Variants in FKBP5 observed in about 807,000 individuals in gnomAD.
The protein encoded by FKBP5 is peptidyl-prolyl cis-trans isomerase FKBP5.
FKBP5 carries 23 observed loss-of-function variants against 50.5 expected under a neutral mutation model. The observed-to-expected ratio is 0.46, with a 90% CI of 0.33 to 0.65. The LOEUF (loss-of-function observed/expected upper bound fraction) is 0.65. Among genes scored for constraint, FKBP5 ranks in the 30% least tolerant of loss-of-function variants. The pLI is 0.02. For synonymous variants in FKBP5, 176 were observed against 190.6 expected (o/e 0.92, Z 0.63); for missense variants, 411 against 553.1 (o/e 0.74, Z 2.58).
At chr6:35,583,958 AG>A (rs1561843900) in intron 8 of FKBP5, 1 of 985,282 alleles carries the variant, frequency 1.0e-6, no homozygotes, top group East Asian at 1.1e-4. Context: ...CTCCTCAACT[AG>A]TTTGTTTTAG....
intron 3 of FKBP5, among the ~76,000 whole-genome samples, chr6:35,625,693 G>T (rs574196517): frequency 1.3e-5 from 2 of 148,252 alleles, no homozygotes; most frequent in South Asian, 4.3e-4. Context: ...CCGAGATTGC[G>T]CCACTGCACT....
intron 1 of FKBP5, among the ~76,000 whole-genome samples, chr6:35,725,386 G>T (rs113007122): frequency 2.6e-5 from 4 of 152,150 alleles, no homozygotes; most frequent in Non-Finnish European, 5.9e-5. Context: ...TTGCTAAAAG[G>T]CTTGGGAAAC....
intron 7 of FKBP5, among the ~76,000 whole-genome samples, chr6:35,587,652 T>A (rs1762643099): frequency 6.6e-6 from 1 of 152,198 alleles, no homozygotes. Context: ...CTTGCAGATG[T>A]ATACTGGGGG....
intron 8 of FKBP5, chr6:35,581,299 TAC>T (rs1762422696): frequency 4.7e-6 from 2 of 426,362 alleles, no homozygotes; most frequent in South Asian, 1.9e-4. Context: ...TATATATATA[TAC>T]ATGCTCATAT....
At chr6:35,576,316 T>G (rs1762212640) in intron 10 of FKBP5, among the ~76,000 whole-genome samples, 1 of 152,050 alleles carries the variant, frequency 6.6e-6, no homozygotes, top group African/African-American at 2.4e-5. Flanking sequence ...AACATCCCAT[T>G]TCCTGGGAAA....
Position 35,651,926 on chromosome 6 carries a change from T to C in FKBP5, c.-19-9083A>G, listed in dbSNP as rs1233950330. On this transcript the variant is annotated intron_variant, in intron 1 of 10. Transcript: ENST00000357266. ...ACTCATTGTTCAGTATGAGTTTTGA[T>C]ACATATAAGAAGGTGTTGCAGGAAG... 4 of 1,092,238 alleles carry C rather than the reference T, an allele frequency of 3.7e-6. No homozygotes were observed. The African/African-American group carries it at 6.6e-5, about 18-fold the overall frequency. The allele number at this position is 1,092,238 out of a possible 1,614,324, so 67.7% of individuals were successfully genotyped here.
chr6:35,580,738 T>C, intron 8 of FKBP5: 1 of 412,474 alleles, frequency 2.4e-6, no homozygotes, highest in Non-Finnish European at 3.3e-6. Context: ...AGACAGCGTT[T>C]CACTATGTTG....
At chr6:35,722,660 T>C (rs1243343306) in intron 1 of FKBP5, among the ~76,000 whole-genome samples, 4 of 152,336 alleles carry the variant, frequency 2.6e-5, no homozygotes, top group African/African-American at 9.6e-5. Flanking sequence ...AACACCGGGC[T>C]GCTTCACGCC....
At chr6:35,718,561 G>T (rs577967847) in intron 2 of FKBP5, among the ~76,000 whole-genome samples, 2 of 152,104 alleles carry the variant, frequency 1.3e-5, no homozygotes, top group Non-Finnish European at 2.9e-5. Context: ...TCCCCTCTTT[G>T]GGCCCCTCAT....
At position 35,577,084 on chromosome 6, in the gene FKBP5, G is replaced by A. The variant is rs180682572; in HGVS notation, c.1176C>T (p.Ser392=). ...PQNKAARLQI[S]MCQKKAKEHN... is the part of the protein sequence containing the mutation. Reference sequence around the variant, plus strand: ...GCTCCTTGGCCTTTTTCTGGCACATGGAGATCTGCAGTCTTGCAGCCTTAT... The same window carrying A: ...GCTCCTTGGCCTTTTTCTGGCACATAGAGATCTGCAGTCTTGCAGCCTTAT... Residue 392 remains serine, a synonymous_variant, in exon 10 of 11, where the codon TCC becomes TCT. Transcript: ENST00000357266. 21 of 1,614,164 alleles carry A rather than the reference G, an allele frequency of 1.3e-5. No homozygotes were observed. The African/African-American group carries it at 2.4e-4, about 18-fold the overall frequency.
chr6:35,698,896 C>T (rs1185836790), intron 2 of FKBP5, among the ~76,000 whole-genome samples: 4 of 152,158 alleles, frequency 2.6e-5, no homozygotes, highest in Admixed American at 6.5e-5. Context: ...AGTGCCCAAA[C>T]CATGCATGAG....
chr6:35,719,681 G>A (rs1053675888), intron 2 of FKBP5, among the ~76,000 whole-genome samples: 7 of 152,126 alleles, frequency 4.6e-5, no homozygotes, highest in Non-Finnish European at 7.4e-5. Context: ...AGGGCACCTC[G>A]ACTCCAGACA....
chr6:35,614,264 G>A (rs1236980003), intron 5 of FKBP5, among the ~76,000 whole-genome samples: 1 of 152,130 alleles, frequency 6.6e-6, no homozygotes, highest in Non-Finnish European at 1.5e-5. Flanking sequence ...GAAAAACCAG[G>A]ATCTAATGAT....
chr6:35,626,247 T>G (rs556892052), intron 3 of FKBP5, among the ~76,000 whole-genome samples: 1 of 152,214 alleles, frequency 6.6e-6, no homozygotes, highest in East Asian at 1.9e-4. Flanking sequence ...TTTATACGTA[T>G]GTAACTATAG....
chr6:35,626,804 C>A (rs1395118018), intron 3 of FKBP5, among the ~76,000 whole-genome samples: 1 of 152,192 alleles, frequency 6.6e-6, no homozygotes, highest in African/African-American at 2.4e-5. Flanking sequence ...GTTGTAGCAT[C>A]TGCCAGAATT....
intron 1 of FKBP5, among the ~76,000 whole-genome samples, chr6:35,645,075 T>A (rs1173590000): frequency 6.6e-6 from 1 of 152,216 alleles, no homozygotes; most frequent in Admixed American, 6.5e-5. Flanking sequence ...ATAACCAAAC[T>A]CTGCATCACC....
chr6:35,589,106 A>AT (rs1185347622), intron 7 of FKBP5, among the ~76,000 whole-genome samples: 40 of 112,322 alleles, frequency 3.6e-4, no homozygotes, highest in African/African-American at 1.6e-3. Context: ...ATATATATAT[A>AT]TTTTTATATA....
At chr6:35,590,218 G>A (rs1762770078) in intron 7 of FKBP5, among the ~76,000 whole-genome samples, 1 of 152,078 alleles carries the variant, frequency 6.6e-6, no homozygotes, top group African/African-American at 2.4e-5. Context: ...AGGACTGCTT[G>A]AGCCCAGGAA....
chr6:35,656,079 T>A (rs1764938829), intron 1 of FKBP5, among the ~76,000 whole-genome samples: 1 of 152,238 alleles, frequency 6.6e-6, no homozygotes, highest in African/African-American at 2.4e-5. Context: ...TAATACTGTA[T>A]CCTCTTACAG....
Sources: allele counts gnomAD v4.1 joint callset (sites outside exome capture counted in the v4.1 genomes callset), GRCh38; gene constraint gnomAD v4.1.1; transcripts MANE v1.5; gene names NCBI Gene and HGNC (gene_info 2026-07-23, HGNC 2026-07-21).